The following ANK3 variants were observed in gnomAD, a reference collection of about 807,000 sequenced individuals.
ANK3 encodes ankyrin-3.
In ANK3, 57 loss-of-function variants were observed where a neutral mutation model predicts 370.9. The ratio of observed to expected loss-of-function variants is 0.15; its 90% confidence interval spans 0.12 to 0.19. ANK3 has a LOEUF of 0.19. Ranked by LOEUF, ANK3 falls within the 10% of genes least tolerant of loss-of-function variation. The pLI is 1.00. For missense variants in ANK3, 4,439 were observed against 5,302.1 expected (o/e 0.84, Z 5.06); for synonymous variants, 1,929 against 1,946.3 (o/e 0.99, Z 0.23).
At chr10:60,114,163 C>G in intron 26 of ANK3, 62 bp downstream of exon 26, 1 of 860,760 alleles carries the variant, frequency 1.2e-6, no homozygotes, top group Non-Finnish European at 1.8e-6. Flanking sequence ...ATTTATAACT[C>G]TAAGTAATAA....
intron 42 of ANK3, chr10:60,053,787 G>A: frequency 7.9e-7 from 1 of 1,273,680 alleles, no homozygotes; most frequent in Non-Finnish European, 1.0e-6. Context: ...AGATGACCTA[G>A]TTGGTTGCTA....
chr10:60,685,769 T>A (rs2133396012), intron 1 of ANK3, among the ~76,000 whole-genome samples: 1 of 152,250 alleles, frequency 6.6e-6, no homozygotes, highest in Admixed American at 6.5e-5. Context: ...AGATGATAGT[T>A]GGAACTGTGA....
At chr10:60,591,716 A>G (rs1389880466) in intron 2 of ANK3, among the ~76,000 whole-genome samples, 1 of 152,226 alleles carries the variant, frequency 6.6e-6, no homozygotes, top group Non-Finnish European at 1.5e-5. Context: ...CAGGTGATAC[A>G]TATACACAAT....
chr10:60,643,699 G>T (rs1256607267), intron 1 of ANK3, among the ~76,000 whole-genome samples: 1 of 152,030 alleles, frequency 6.6e-6, no homozygotes, highest in African/African-American at 2.4e-5. Context: ...AGCCCAGATT[G>T]ACATGTGACC....
At chr10:60,081,879 A>T (rs2085362515) in intron 35 of ANK3, 1 of 323,396 alleles carries the variant, frequency 3.1e-6, no homozygotes. Flanking sequence ...TTATTTATAC[A>T]TGCCAATCTA....
intron 1 of ANK3, among the ~76,000 whole-genome samples, chr10:60,703,127 C>T (rs960131351): frequency 3.3e-5 from 5 of 152,024 alleles, no homozygotes; most frequent in African/African-American, 1.2e-4. Context: ...GATCCTAATT[C>T]AAGCAAACAA....
intron 1 of ANK3, among the ~76,000 whole-genome samples, chr10:60,638,882 T>C (rs1179463826): frequency 6.6e-6 from 1 of 152,052 alleles, no homozygotes; most frequent in Non-Finnish European, 1.5e-5. Context: ...AGAGTATCAG[T>C]GACCAGTGGG....
chr10:60,354,750 T>C (rs2057454245), intron 1 of ANK3, among the ~76,000 whole-genome samples: 1 of 152,224 alleles, frequency 6.6e-6, no homozygotes, highest in Admixed American at 6.5e-5. Context: ...AATTCCTTGT[T>C]TTTATCCTAT....
chr10:60,552,253 G>T (rs1387882720), intron 2 of ANK3, among the ~76,000 whole-genome samples: 2 of 152,140 alleles, frequency 1.3e-5, no homozygotes, highest in Non-Finnish European at 2.9e-5. Context: ...TTAGAAATAG[G>T]AGTCTTCATG....
intron 23 of ANK3, among the ~76,000 whole-genome samples, chr10:60,153,830 A>C (rs1361991809): frequency 2.6e-5 from 4 of 152,196 alleles, no homozygotes; most frequent in African/African-American, 9.7e-5. Context: ...GCTGTTTATC[A>C]ACTTAAACAT....
At chr10:60,141,571 T>TTTTTTTG (rs2094564771) in intron 23 of ANK3, among the ~76,000 whole-genome samples, 1 of 120,990 alleles carries the variant, frequency 8.3e-6, no homozygotes. Context: ...GTTTTTTTTT[T>TTTTTTTG]TTTTTTTTTT....
intron 1 of ANK3, among the ~76,000 whole-genome samples, chr10:60,652,358 C>T (rs1200370020): frequency 2.0e-5 from 3 of 152,138 alleles, no homozygotes; most frequent in African/African-American, 7.2e-5. Flanking sequence ...GCCATGATTG[C>T]ACCACTGCAC....
At chr10:60,192,758 G>A (rs984758910) in intron 16 of ANK3, among the ~76,000 whole-genome samples, 14 of 152,088 alleles carry the variant, frequency 9.2e-5, no homozygotes, top group Admixed American at 2.6e-4. Context: ...CACATTTTGG[G>A]TGATGGTTTC....
At chr10:60,491,336 G>A (rs955735925) in intron 2 of ANK3, among the ~76,000 whole-genome samples, 2 of 152,164 alleles carry the variant, frequency 1.3e-5, no homozygotes, top group African/African-American at 4.8e-5. Context: ...TAAATCAACT[G>A]TTCTTAAATT....
chr10:60,028,849 G>GTATAGGTTATTTTTTTTTGTTGTT lies in ANK3; in HGVS notation c.*973_*996dup. ...CCCCCCACCCCCTAAAGCAACTACCGTATAGGTTATTTTTTTTTGTTGTTT... is the reference window on the plus strand; with the variant it reads ...CCCCCCACCCCCTAAAGCAACTACCGTATAGGTTATTTTTTTTTGTTGTTTATAGGTTATTTTTTTTTGTTGTTT... On this transcript the variant is annotated 3_prime_UTR_variant, in exon 44 of 44. Transcript: ENST00000280772. 1 of 146,542 alleles carries GTATAGGTTATTTTTTTTTGTTGTT rather than the reference G, an allele frequency of 6.8e-6. No individual in the cohort carries two copies. Among genetic ancestry groups the GTATAGGTTATTTTTTTTTGTTGTT allele is most frequent in the East Asian group, 2.0e-4 (1 of 4,936 alleles). The allele number at this position is 146,542 out of a possible 1,614,324, so 9.1% of individuals were successfully genotyped here. A position where few individuals can be genotyped will look rare whatever the true frequency, so the allele number is the denominator to read the frequency against.
chr10:60,353,918 G>A (rs1340670234), intron 1 of ANK3, among the ~76,000 whole-genome samples: 1 of 152,224 alleles, frequency 6.6e-6, no homozygotes, highest in Non-Finnish European at 1.5e-5. Context: ...TACGTGCATT[G>A]TTATCAGCTC....
At chr10:60,250,356 T>C (rs1048077820) in intron 7 of ANK3, among the ~76,000 whole-genome samples, 1 of 152,152 alleles carries the variant, frequency 6.6e-6, no homozygotes, top group Admixed American at 6.5e-5. Context: ...TTAGAACATT[T>C]GCTTTTATTT....
chr10:60,733,485 T>A, exon 1 of ANK3: 3 of 545,280 alleles, frequency 5.5e-6, no homozygotes, highest in Non-Finnish European at 8.2e-6. Flanking sequence ...ATCCTCCTCC[T>A]GCTGTGTCCG....
intron 1 of ANK3, among the ~76,000 whole-genome samples, chr10:60,725,273 C>T (rs1256252584): frequency 6.6e-6 from 1 of 152,128 alleles, no homozygotes. Flanking sequence ...GACGTGCACC[C>T]GCCATTTTTC....
Sources: allele counts gnomAD v4.1 joint callset (sites outside exome capture counted in the v4.1 genomes callset), GRCh38; gene constraint gnomAD v4.1.1; transcripts MANE v1.5; gene names NCBI Gene and HGNC (gene_info 2026-07-23, HGNC 2026-07-21).